Variants in LATS2 observed in about 807,000 individuals in gnomAD.
LATS2 encodes the protein large tumor suppressor kinase 2.
Under a neutral mutation model 76.0 loss-of-function variants are expected in LATS2, and 24 were observed. The ratio of observed to expected loss-of-function variants is 0.32; its 90% CI spans 0.23 to 0.44. The LOEUF is 0.44. Ranked by LOEUF, LATS2 falls within the 20% of genes least tolerant of loss-of-function variation. The pLI, the probability that LATS2 is intolerant of heterozygous loss-of-function variation, is 1.00. For synonymous variants in LATS2, 692 were observed against 635.4 expected (o/e 1.09, Z -1.34); for missense variants, 1,286 against 1,481.2 (o/e 0.87, Z 2.16).
At chr13:20,976,480 G>A (rs965779710) in intron 7 of LATS2, among the ~76,000 whole-genome samples, 2 of 152,128 alleles carry the variant, frequency 1.3e-5, no homozygotes, top group Non-Finnish European at 2.9e-5. Flanking sequence ...TTTGTGCATC[G>A]AAGGACATTA....
At chr13:20,987,819 C>CT in intron 4 of LATS2, 62 bp downstream of exon 4, 2 of 1,555,498 alleles carry the variant, frequency 1.3e-6, no homozygotes, top group Non-Finnish European at 1.7e-6. Flanking sequence ...ATTGTGCGTG[C>CT]TTCCTATTGC....
chr13:20,985,599 C>T (rs1344247477), intron 4 of LATS2, among the ~76,000 whole-genome samples: 4 of 151,668 alleles, frequency 2.6e-5, no homozygotes, highest in African/African-American at 4.9e-5. Context: ...ATTAGCTGAG[C>T]ATGGTGTCGC....
chr13:21,003,694 G>A (rs570361377), intron 2 of LATS2, among the ~76,000 whole-genome samples: 13 of 151,862 alleles, frequency 8.6e-5, no homozygotes, highest in Non-Finnish European at 1.6e-4. Flanking sequence ...CAGCCACCTC[G>A]GCCTCCCAAA....
intron 2 of LATS2, among the ~76,000 whole-genome samples, chr13:21,042,039 G>A (rs1872896667): frequency 6.6e-6 from 1 of 152,054 alleles, no homozygotes; most frequent in Admixed American, 6.6e-5. Flanking sequence ...ACTATCCAAT[G>A]CTCAAAATAT....
chr13:21,020,449 A>G (rs184510622), intron 2 of LATS2, among the ~76,000 whole-genome samples: 1 of 152,378 alleles, frequency 6.6e-6, no homozygotes, highest in East Asian at 1.9e-4. Context: ...TACCCAGGAA[A>G]GTTAGGCCAG....
chr13:21,037,769 C>T (rs1161060911), intron 2 of LATS2, among the ~76,000 whole-genome samples: 1 of 152,170 alleles, frequency 6.6e-6, no homozygotes, highest in East Asian at 1.9e-4. Flanking sequence ...AGGGCCAGCA[C>T]TGGGCAGCCT....
At chr13:20,997,902 C>T (rs1870829966) in intron 2 of LATS2, among the ~76,000 whole-genome samples, 2 of 152,182 alleles carry the variant, frequency 1.3e-5, no homozygotes, top group Admixed American at 6.5e-5. Flanking sequence ...GATCCTCCCC[C>T]ACTCAGCCCT....
At chr13:20,981,276 C>A (rs1247694813) in intron 6 of LATS2, among the ~76,000 whole-genome samples, 190 bp downstream of exon 6, 2 of 152,178 alleles carry the variant, frequency 1.3e-5, no homozygotes, top group African/African-American at 4.8e-5. Flanking sequence ...TTCCAACCCC[C>A]TGAAGCAAGA....
rs140665148 is a variant in LATS2, at chr13:20,988,093, C to A, written c.1687G>T (p.Gly563Trp). The change falls in exon 4 of 8, where the codon GGG (glycine) becomes TGG (tryptophan). Residue 563 changes from glycine (G) to tryptophan (W), a missense_variant. By Grantham distance (184) the Gly-to-Trp change is radical (BLOSUM62 -2). Around this residue, in one of 5 missense-constraint regions of LATS2, gnomAD observed 710 missense variants for 660.9 expected, o/e 1.07. Coordinates refer to ENST00000382592, the MANE Select transcript of LATS2 (RefSeq NM_014572.3). ...GGDKSRKSAKGDKGGKDKKQI... is the reference protein window; with the variant it reads ...GGDKSRKSAKWDKGGKDKKQI... ...TTTTTATCCTTTCCGCCTTTGTCCC[C>A]CTTGGCGCTTTTGCGGCTCTTGTCG... 1 of 1,614,272 alleles carries A rather than the reference C, an allele frequency of 6.2e-7. No individual in the cohort carries two copies. Among genetic ancestry groups the A allele is most frequent in the Non-Finnish European group, 8.5e-7 (1 of 1,180,052 alleles).
intron 2 of LATS2, among the ~76,000 whole-genome samples, chr13:21,030,444 C>G (rs1292476076): frequency 6.6e-6 from 1 of 151,802 alleles, no homozygotes; most frequent in Non-Finnish European, 1.5e-5. Context: ...ACAAAATTAG[C>G]CAGCCGTGGT....
chr13:21,043,130 G>A (rs1872944310), intron 2 of LATS2, among the ~76,000 whole-genome samples: 1 of 152,122 alleles, frequency 6.6e-6, no homozygotes, highest in African/African-American at 2.4e-5. Context: ...TTGAGGTCAG[G>A]AGTTTGAGAC....
At chr13:21,001,835 C>T (rs374578315) in intron 2 of LATS2, among the ~76,000 whole-genome samples, 4 of 151,880 alleles carry the variant, frequency 2.6e-5, no homozygotes, top group African/African-American at 7.3e-5. Context: ...GCCGAGACAG[C>T]GCCCCTGCAC....
At chr13:21,038,113 G>A (rs999325) in intron 2 of LATS2, among the ~76,000 whole-genome samples, 105,930 of 151,876 alleles carry the variant, frequency 0.7, 38,905 homozygotes, top group Non-Finnish European at 0.83. Context: ...CTCAAAAACC[G>A]AAACAAAACA....
intron 5 of LATS2, 30 bp downstream of exon 5, chr13:20,983,194 A>C: frequency 6.7e-7 from 1 of 1,493,738 alleles, no homozygotes; most frequent in South Asian, 1.2e-5. Context: ...CTACACATAG[A>C]AAGTGCATGT....
intron 2 of LATS2, among the ~76,000 whole-genome samples, chr13:21,026,965 CTGA>C (rs139465919): frequency 0.023 from 3,441 of 152,216 alleles, 150 homozygotes; most frequent in African/African-American, 0.078. Context: ...TTGCATTTCT[CTGA>C]TGATGAATGA....
rs189067198 is a variant in LATS2, at chr13:21,058,225, C to T, written c.-205+3121G>A. Among the ~76,000 whole-genome samples the T allele has an allele frequency of 7.2e-5, 11 of 152,334 alleles. No individual in the cohort carries two copies. The East Asian group carries it at 2.1e-3, about 29-fold the overall frequency. ...TACCTTCTGTATTTCTTCACACCAA[C>T]TGTTTTTAAAAAGTCAGTAAGAAAT... On this transcript the variant is annotated intron_variant, in intron 1 of 7. Transcript: ENST00000382592.
chr13:21,019,790 A>G (rs1205061160), intron 2 of LATS2, among the ~76,000 whole-genome samples: 2 of 151,076 alleles, frequency 1.3e-5, no homozygotes, highest in African/African-American at 4.8e-5. Flanking sequence ...CCTGGCCAAC[A>G]TGGCAAAACC....
intron 2 of LATS2, among the ~76,000 whole-genome samples, chr13:21,043,335 TAA>T (rs879375520): frequency 7.0e-6 from 1 of 142,598 alleles, no homozygotes. Context: ...AGACACCGTC[TAA>T]AAAAAAAAAA....
chr13:20,987,150 G>A (rs992334211), intron 4 of LATS2, among the ~76,000 whole-genome samples: 9 of 152,150 alleles, frequency 5.9e-5, no homozygotes, highest in African/African-American at 1.7e-4. Flanking sequence ...AGCCAAGATC[G>A]CGCCATTGCG....
Sources: allele counts gnomAD v4.1 joint callset (sites outside exome capture counted in the v4.1 genomes callset), GRCh38; gene constraint gnomAD v4.1.1; regional missense constraint gnomAD v4.1.1; transcripts MANE v1.5; gene names NCBI Gene and HGNC (gene_info 2026-07-23, HGNC 2026-07-21).